Variants in ZHX2 observed in about 807,000 individuals in gnomAD.
The protein encoded by ZHX2 is zinc fingers and homeoboxes protein 2.
A neutral mutation model predicts 21.9 loss-of-function variants in ZHX2; 6 were observed. The ratio of observed to expected loss-of-function variants is 0.27; its 90% CI spans 0.15 to 0.54. ZHX2 has a LOEUF of 0.54. Ranked by LOEUF, ZHX2 falls within the 20% of genes least tolerant of loss-of-function variation. The probability of loss-of-function intolerance (pLI) is 0.95; values close to 1 mark genes in which losing one functional copy is unlikely to be tolerated. For missense variants in ZHX2, 908 were observed against 1,090.7 expected (o/e 0.83, Z 2.36); for synonymous variants, 434 against 437.1 (o/e 0.99, Z 0.09).
chr8:122,811,679 T>A (rs1817933089), intron 1 of ZHX2, among the ~76,000 whole-genome samples: 1 of 152,176 alleles, frequency 6.6e-6, no homozygotes, highest in South Asian at 2.1e-4. Flanking sequence ...CACCTGCCAA[T>A]CAGGCCTTTA....
In ZHX2 at chr8:122,824,491, G is replaced by A. The variant is rs569264934; in HGVS notation, c.-282-38986G>A. 2.7e-3 allele frequency among the ~76,000 whole-genome samples: 405 copies of A among 152,204 alleles called. 1 individual carries two copies. The highest frequency in any genetic ancestry group is 4.7e-3 in the Non-Finnish European group (317 of 68,008). ...GACGTGCTGTTCTCTGTCAACCCTC[G>A]CAACAAGTTGTCAGCCATTGTACAG... On this transcript the variant is annotated intron_variant, in intron 1 of 3. Coordinates refer to ENST00000314393, the MANE Select transcript of ZHX2 (RefSeq NM_014943.5).
chr8:122,860,827 G>A (rs1228731338), intron 1 of ZHX2, among the ~76,000 whole-genome samples: 1 of 152,068 alleles, frequency 6.6e-6, no homozygotes, highest in Non-Finnish European at 1.5e-5. Context: ...TGAGGTCAGA[G>A]ATCGAGGCCA....
chr8:122,961,436 T>C (rs1813440410), intron 3 of ZHX2, among the ~76,000 whole-genome samples: 2 of 152,218 alleles, frequency 1.3e-5, no homozygotes, highest in Non-Finnish European at 2.9e-5. Flanking sequence ...TTTGTCAGGA[T>C]TAAGTGAGAT....
At chr8:122,835,320 C>A (rs1053545733) in intron 1 of ZHX2, among the ~76,000 whole-genome samples, 5 of 152,096 alleles carry the variant, frequency 3.3e-5, no homozygotes, top group African/African-American at 7.2e-5. Flanking sequence ...CGAGTAAGGG[C>A]AGGAGAGAAG....
rs567601374 is a variant in ZHX2 at position 122,870,760 on chromosome 8, A to G, written c.-220+7221A>G. On this transcript the variant is annotated intron_variant, in intron 2 of 3. Transcript: ENST00000314393. ...CAGTGAGGAGATGGTGGCTGTTCCG[A>G]TGGCCCCAGAGAGAAGGAGTGACCC... 6.6e-4 allele frequency among the ~76,000 whole-genome samples: 100 copies of G among 151,754 alleles called. 1 individual carries two copies. Among genetic ancestry groups the G allele is most frequent in the Non-Finnish European group, 1.1e-3 (76 of 67,880 alleles).
At chr8:122,972,020 C>T (rs1207948701) in intron 3 of ZHX2, among the ~76,000 whole-genome samples, 3 of 152,134 alleles carry the variant, frequency 2.0e-5, no homozygotes, top group Non-Finnish European at 2.9e-5. Flanking sequence ...TGGTGTCTGC[C>T]GACAGTCTTT....
chr8:122,819,168 C>T (rs1010805630), intron 1 of ZHX2, among the ~76,000 whole-genome samples: 3 of 152,196 alleles, frequency 2.0e-5, no homozygotes, highest in Admixed American at 2.0e-4. Flanking sequence ...ACAATGAAGA[C>T]CCCAGGCAAC....
rs1027118503 is a variant in ZHX2, at chr8:122,936,088, C to T, written c.-219-15204C>T. Among the ~76,000 whole-genome samples the T allele has an allele frequency of 4.6e-5, 7 of 151,842 alleles. No homozygotes were observed. The South Asian group carries it at 6.2e-4, about 14-fold the overall frequency. On this transcript the variant is annotated intron_variant, in intron 2 of 3. Coordinates refer to ENST00000314393, the MANE Select transcript of ZHX2 (RefSeq NM_014943.5). Reference sequence around the variant, plus strand: ...TGAGCTATGTTTATATTTCTATGTCCGAAAAGAAAAAAACAACGATAGATC... The same window carrying T: ...TGAGCTATGTTTATATTTCTATGTCTGAAAAGAAAAAAACAACGATAGATC...
chr8:122,961,408 TACAA>T (rs993486626), intron 3 of ZHX2, among the ~76,000 whole-genome samples: 2 of 152,234 alleles, frequency 1.3e-5, no homozygotes, highest in African/African-American at 4.8e-5. Flanking sequence ...TCATAATGCT[TACAA>T]ACAGTTGTCT....
At chr8:122,861,283 G>A (rs948940042) in intron 1 of ZHX2, among the ~76,000 whole-genome samples, 1 of 152,128 alleles carries the variant, frequency 6.6e-6, no homozygotes, top group African/African-American at 2.4e-5. Flanking sequence ...AAACATTAAT[G>A]TGCTGGGAAC....
At chr8:122,956,229 G>C (rs1415621674) in intron 3 of ZHX2, among the ~76,000 whole-genome samples, 1 of 152,190 alleles carries the variant, frequency 6.6e-6, no homozygotes, top group Non-Finnish European at 1.5e-5. Flanking sequence ...GAGGACAATA[G>C]GGTTCAGTTC....
chr8:122,857,689 T>C (rs11778651), intron 1 of ZHX2, among the ~76,000 whole-genome samples: 46,353 of 151,982 alleles, frequency 0.3, 7,267 homozygotes, highest in South Asian at 0.37. Context: ...GGGGAAGAAA[T>C]GGAATGATGA....
chr8:122,960,204 G>A (rs1053577453), intron 3 of ZHX2, among the ~76,000 whole-genome samples: 5 of 152,064 alleles, frequency 3.3e-5, no homozygotes, highest in African/African-American at 1.2e-4. Context: ...GGGAATTTGA[G>A]GGTTTAAATA....
intron 2 of ZHX2, among the ~76,000 whole-genome samples, chr8:122,905,212 A>G (rs752945762): frequency 2.6e-5 from 4 of 152,256 alleles, no homozygotes; most frequent in African/African-American, 7.2e-5. Context: ...CCCATACAGG[A>G]TGAATCCAAA....
At chr8:122,791,984 C>T (rs1468688528) in intron 1 of ZHX2, among the ~76,000 whole-genome samples, 1 of 152,128 alleles carries the variant, frequency 6.6e-6, no homozygotes, top group Non-Finnish European at 1.5e-5. Flanking sequence ...AACTTACATA[C>T]CCAAGTGTCA....
intron 2 of ZHX2, among the ~76,000 whole-genome samples, chr8:122,866,019 TAGCTGTG>T (rs1373604590): frequency 6.6e-6 from 1 of 152,220 alleles, no homozygotes; most frequent in Non-Finnish European, 1.5e-5. Flanking sequence ...TATTTATTCC[TAGCTGTG>T]GGCCTCCTGG....
At chr8:122,806,818 C>G (rs1817834582) in intron 1 of ZHX2, among the ~76,000 whole-genome samples, 1 of 152,230 alleles carries the variant, frequency 6.6e-6, no homozygotes, top group South Asian at 2.1e-4. Flanking sequence ...ACCCACATCA[C>G]CCTCATTTAT....
At chr8:122,865,427 C>T (rs773350798) in intron 2 of ZHX2, among the ~76,000 whole-genome samples, 4 of 151,998 alleles carry the variant, frequency 2.6e-5, no homozygotes, top group Admixed American at 2.0e-4. Context: ...CACGCCCGGC[C>T]GACTTGGCAA....
At chr8:122,898,647 A>AG (rs1211822680) in intron 2 of ZHX2, among the ~76,000 whole-genome samples, 1 of 152,260 alleles carries the variant, frequency 6.6e-6, no homozygotes, top group Non-Finnish European at 1.5e-5. Flanking sequence ...TCTCGGCCAC[A>AG]GAAAAACACT....
Sources: gnomAD v4.1 joint callset for allele counts (sites outside exome capture counted in the v4.1 genomes callset) on GRCh38, gnomAD v4.1.1 for gene constraint, MANE v1.5 for transcripts, NCBI Gene and HGNC (gene_info 2026-07-23, HGNC 2026-07-21) for gene names.